The following CELF2 variants were observed in gnomAD, a reference collection of about 807,000 sequenced individuals.
The protein encoded by CELF2 is CUGBP Elav-like family member 2, also known as CUG triplet repeat RNA-binding protein 2.
In CELF2, 8 loss-of-function variants were observed where a neutral mutation model predicts 62.6. The observed-to-expected ratio is 0.13, with a 90% CI of 0.07 to 0.23. CELF2 has a LOEUF of 0.23. CELF2 is among the 10% of genes least tolerant of loss of function. The pLI, the probability that CELF2 is intolerant of heterozygous loss-of-function variation, is 1.00. For missense variants in CELF2, 333 were observed against 671.0 expected (o/e 0.50, Z 5.56); for synonymous variants, 258 against 250.0 (o/e 1.03, Z -0.30).
the CELF2 span, among the ~76,000 whole-genome samples, chr10:10,738,672 T>C: frequency 6.6e-6 from 1 of 152,224 alleles, no homozygotes; most frequent in Non-Finnish European, 1.5e-5. Flanking sequence ...CAAATTCCAA[T>C]AGAGGGCCAT....
chr10:11,215,341 T>G (rs149085317), intron 2 of CELF2, among the ~76,000 whole-genome samples: 2 of 152,346 alleles, frequency 1.3e-5, no homozygotes, highest in African/African-American at 2.4e-5. Flanking sequence ...TCATTGTTCC[T>G]TGTCGCTTTT....
chr10:11,192,487 C>T (rs2076495644), intron 2 of CELF2, among the ~76,000 whole-genome samples: 2 of 152,234 alleles, frequency 1.3e-5, no homozygotes, highest in Admixed American at 6.5e-5. Flanking sequence ...GCGTCAGCTG[C>T]TAACATGGAA....
chr10:10,683,890 A>C, the CELF2 span, among the ~76,000 whole-genome samples: 1 of 152,202 alleles, frequency 6.6e-6, no homozygotes, highest in Non-Finnish European at 1.5e-5. Flanking sequence ...AAAAGTCGTC[A>C]GGCAAGAGGG....
chr10:11,026,889 G>T (rs886306261), intron 1 of CELF2, among the ~76,000 whole-genome samples: 3 of 152,122 alleles, frequency 2.0e-5, no homozygotes, highest in African/African-American at 7.2e-5. Flanking sequence ...ACTGTATTTT[G>T]ACTTCCTACA....
At chr10:10,673,322 G>C in the CELF2 span, among the ~76,000 whole-genome samples, 19 of 152,220 alleles carry the variant, frequency 1.2e-4, no homozygotes, top group Non-Finnish European at 2.5e-4. Context: ...ATGTTGAAAA[G>C]CAGTGGTGAC....
At chr10:10,633,133 G>A in the CELF2 span, among the ~76,000 whole-genome samples, 6 of 152,130 alleles carry the variant, frequency 3.9e-5, no homozygotes, top group Admixed American at 1.3e-4. Context: ...TTATGGAAAT[G>A]GGCTTTTGGG....
the CELF2 span, among the ~76,000 whole-genome samples, chr10:10,567,435 A>G: frequency 6.6e-6 from 1 of 152,130 alleles, no homozygotes; most frequent in East Asian, 1.9e-4. Context: ...TTTATCTGGG[A>G]GTGCTCTTGG....
the CELF2 span, among the ~76,000 whole-genome samples, chr10:10,642,681 T>G: frequency 4.6e-5 from 7 of 152,362 alleles, no homozygotes; most frequent in African/African-American, 1.7e-4. Flanking sequence ...AAAACACTTA[T>G]TTTTAACAGG....
intron 1 of CELF2, among the ~76,000 whole-genome samples, chr10:11,040,228 T>G (rs2061593395): frequency 6.6e-6 from 1 of 152,154 alleles, no homozygotes; most frequent in Admixed American, 6.5e-5. Flanking sequence ...TCTCTGTGAA[T>G]GGCCTCCAAC....
intron 1 of CELF2, among the ~76,000 whole-genome samples, chr10:10,802,454 A>T (rs1259947449): frequency 2.6e-5 from 4 of 152,234 alleles, no homozygotes; most frequent in Non-Finnish European, 2.9e-5. Context: ...TGGGTGACAG[A>T]GCGAGACTCT....
intron 1 of CELF2, among the ~76,000 whole-genome samples, chr10:10,823,828 A>C (rs964060672): frequency 6.6e-6 from 1 of 152,192 alleles, no homozygotes; most frequent in Non-Finnish European, 1.5e-5. Context: ...CCCATTTTAT[A>C]TATGAGAAAA....
chr10:10,999,969 A>T (rs2054358247), intron 2 of CELF2, among the ~76,000 whole-genome samples: 2 of 152,224 alleles, frequency 1.3e-5, no homozygotes, highest in African/African-American at 4.8e-5. Flanking sequence ...AAATAGCAAG[A>T]ATAAACTTGG....
At chr10:10,665,070 C>A in the CELF2 span, among the ~76,000 whole-genome samples, 57 of 152,252 alleles carry the variant, frequency 3.7e-4, no homozygotes, top group Non-Finnish European at 4.3e-4. Flanking sequence ...GGTTAAAATT[C>A]GTGGGCACTT....
chr10:10,538,468 A>T, the CELF2 span, among the ~76,000 whole-genome samples: 1 of 151,912 alleles, frequency 6.6e-6, no homozygotes, highest in Non-Finnish European at 1.5e-5. Context: ...CCTATGCTTG[A>T]TCTCAAGTGT....
the CELF2 span, among the ~76,000 whole-genome samples, chr10:10,512,401 CTTTTT>C: frequency 9.2e-6 from 1 of 109,148 alleles, no homozygotes. Flanking sequence ...TTTTGGAACG[CTTTTT>C]TTTTTTTTTT....
At chr10:11,051,962 A>T (rs1056345474) in intron 1 of CELF2, among the ~76,000 whole-genome samples, 2 of 149,410 alleles carry the variant, frequency 1.3e-5, no homozygotes, top group African/African-American at 5.0e-5. Context: ...GCGGTGGAGC[A>T]ATGTTGGCTC....
the CELF2 span, among the ~76,000 whole-genome samples, chr10:10,464,503 C>T: frequency 3.3e-5 from 5 of 152,024 alleles, no homozygotes; most frequent in Non-Finnish European, 5.9e-5. Flanking sequence ...TGAGGTGCCT[C>T]TTCTTTGTAA....
chr10:10,835,630 C>T (rs576236589), intron 1 of CELF2, among the ~76,000 whole-genome samples: 1 of 152,120 alleles, frequency 6.6e-6, no homozygotes, highest in East Asian at 1.9e-4. Flanking sequence ...TGATCCACCC[C>T]CTTCAGCCTC....
rs117335469 is a variant in CELF2, at chr10:11,298,765, A to G, written c.976+10213A>G. 4.5e-3 allele frequency among the ~76,000 whole-genome samples: 684 copies of G among 152,348 alleles called. 3 individuals carry two copies. Among genetic ancestry groups the G allele is most frequent in the Non-Finnish European group, 8.1e-3 (552 of 68,036 alleles). On this transcript the variant is annotated intron_variant, in intron 9 of 12. Coordinates refer to ENST00000633077, the MANE Select transcript of CELF2 (RefSeq NM_001326342.2). ...TAAAAAAACGATGTTTAAGTATCAT[A>G]TATGGGAAAGATCGAATCATTATTT... is the stretch of plus-strand genomic sequence containing the variant.
Sources: allele counts gnomAD v4.1 joint callset (sites outside exome capture counted in the v4.1 genomes callset), GRCh38; gene constraint gnomAD v4.1.1; transcripts MANE v1.5; gene names NCBI Gene and HGNC (gene_info 2026-07-23, HGNC 2026-07-21).